Variants in SPOCK3 observed in about 807,000 individuals in gnomAD.
SPOCK3 encodes the protein SPARC (osteonectin), cwcv and kazal like domains proteoglycan 3.
A neutral mutation model predicts 56.6 loss-of-function variants in SPOCK3; 30 were observed. The ratio of observed to expected loss-of-function variants is 0.53; its 90% confidence interval spans 0.40 to 0.72. The LOEUF is 0.72. SPOCK3 is among the 30% of genes least tolerant of loss of function. The pLI is 0.00. For synonymous variants in SPOCK3, 196 were observed against 183.3 expected, an observed-to-expected ratio of 1.07 and a Z score of -0.56; for missense variants, 527 against 530.0, an observed-to-expected ratio of 0.99 and a Z score of 0.06.
At chr4:167,075,344 T>C (rs1050654018) in intron 2 of SPOCK3, among the ~76,000 whole-genome samples, 2 of 151,944 alleles carry the variant, frequency 1.3e-5, no homozygotes, top group Non-Finnish European at 2.9e-5. Flanking sequence ...TTTCCAATGC[T>C]GACACTCAAT....
intron 2 of SPOCK3, among the ~76,000 whole-genome samples, chr4:167,084,996 G>C (rs1758057911): frequency 2.0e-5 from 3 of 151,938 alleles, no homozygotes; most frequent in South Asian, 2.1e-4. Context: ...CTTTTGTCCA[G>C]AGGGATCCAG....
intron 4 of SPOCK3, among the ~76,000 whole-genome samples, chr4:166,977,417 A>G (rs1364823351): frequency 3.8e-5 from 4 of 105,608 alleles, no homozygotes; most frequent in Non-Finnish European, 6.5e-5. Flanking sequence ...ATTCATTATG[A>G]TAATTATTAA....
chr4:167,106,787 C>G (rs186190877), intron 2 of SPOCK3, among the ~76,000 whole-genome samples: 1 of 149,090 alleles, frequency 6.7e-6, no homozygotes, highest in Non-Finnish European at 1.5e-5. Flanking sequence ...ACAGAAGACC[C>G]AAGTAAATAA....
chr4:167,225,648 G>A (rs1324744903), intron 2 of SPOCK3, among the ~76,000 whole-genome samples: 1 of 152,032 alleles, frequency 6.6e-6, no homozygotes, highest in Non-Finnish European at 1.5e-5. Flanking sequence ...TAGCAAGTAT[G>A]AAGATGGAAA....
intron 10 of SPOCK3, 97 bp from the exon 11 acceptor site, chr4:166,735,187 A>G: frequency 2.6e-6 from 2 of 757,742 alleles, no homozygotes; most frequent in Admixed American, 3.0e-5. Flanking sequence ...TATTTTTTAG[A>G]AAGTAATTTG....
intron 4 of SPOCK3, among the ~76,000 whole-genome samples, chr4:166,986,568 G>T (rs7699895): frequency 1.3e-5 from 2 of 151,974 alleles, no homozygotes; most frequent in Non-Finnish European, 2.9e-5. Context: ...TACAGCACAC[G>T]AATGAAGAAT....
intron 2 of SPOCK3, among the ~76,000 whole-genome samples, chr4:167,120,948 T>A (rs144567577): frequency 6.9e-4 from 105 of 152,074 alleles, no homozygotes; most frequent in African/African-American, 2.5e-3. Flanking sequence ...CATTTATCAT[T>A]ACCAAATGTC....
At chr4:166,822,128 C>T (rs1014019124) in intron 6 of SPOCK3, among the ~76,000 whole-genome samples, 14 of 151,920 alleles carry the variant, frequency 9.2e-5, no homozygotes, top group African/African-American at 3.4e-4. Flanking sequence ...ATTATATAAT[C>T]ACACTAATCA....
intron 2 of SPOCK3, among the ~76,000 whole-genome samples, chr4:167,173,140 T>G (rs1282502185): frequency 2.0e-5 from 3 of 152,128 alleles, no homozygotes; most frequent in African/African-American, 7.2e-5. Context: ...CTTCCCACTT[T>G]CATTCTTCAG....
At chr4:167,045,476 C>A (rs542542582) in intron 3 of SPOCK3, among the ~76,000 whole-genome samples, 1 of 151,986 alleles carries the variant, frequency 6.6e-6, no homozygotes, top group South Asian at 2.1e-4. Context: ...TATTTTCTTT[C>A]ATTTTTTGCC....
chr4:166,783,422 A>G (rs1740397015), intron 7 of SPOCK3, among the ~76,000 whole-genome samples: 1 of 152,146 alleles, frequency 6.6e-6, no homozygotes. Context: ...CTACCTCATG[A>G]AAAAAGGGAA....
At chr4:166,874,898 T>C (rs1297857737) in intron 6 of SPOCK3, among the ~76,000 whole-genome samples, 1 of 152,192 alleles carries the variant, frequency 6.6e-6, no homozygotes, top group Non-Finnish European at 1.5e-5. Context: ...CAATACCTTC[T>C]ATTTATATAA....
At chr4:166,820,974 G>A (rs1744878053) in intron 6 of SPOCK3, among the ~76,000 whole-genome samples, 1 of 151,952 alleles carries the variant, frequency 6.6e-6, no homozygotes, top group Non-Finnish European at 1.5e-5. Context: ...AAAAATGTCT[G>A]CACATCAAAG....
chr4:166,782,627 G>C (rs968163622), intron 7 of SPOCK3, among the ~76,000 whole-genome samples: 4 of 151,882 alleles, frequency 2.6e-5, no homozygotes, highest in Non-Finnish European at 2.9e-5. Context: ...CAGAATTACA[G>C]TAGAAATCAA....
At chr4:167,024,992 T>TTA (rs1751568678) in intron 3 of SPOCK3, among the ~76,000 whole-genome samples, 1 of 152,068 alleles carries the variant, frequency 6.6e-6, no homozygotes, top group African/African-American at 2.4e-5. Context: ...TTTCTTAGAT[T>TTA]TATAGCATGT....
intron 4 of SPOCK3, among the ~76,000 whole-genome samples, chr4:166,915,919 C>T (rs558511358): frequency 4.6e-5 from 7 of 152,174 alleles, no homozygotes; most frequent in African/African-American, 1.7e-4. Flanking sequence ...AAGTAAAAAA[C>T]CTAAGCTGGC....
At chr4:166,999,589 G>C (rs1554017138) in intron 4 of SPOCK3, among the ~76,000 whole-genome samples, 1 of 152,072 alleles carries the variant, frequency 6.6e-6, no homozygotes, top group Non-Finnish European at 1.5e-5. Flanking sequence ...TCCATTATCA[G>C]AGAAAGAGTA....
At chr4:167,206,966 CA>C (rs575128356) in intron 2 of SPOCK3, among the ~76,000 whole-genome samples, 1 of 151,284 alleles carries the variant, frequency 6.6e-6, no homozygotes. Flanking sequence ...GTTCCCAACA[CA>C]AAAAAAACGA....
chr4:166,892,523 T>C (rs1734888397), intron 5 of SPOCK3, among the ~76,000 whole-genome samples: 1 of 152,046 alleles, frequency 6.6e-6, no homozygotes, highest in Non-Finnish European at 1.5e-5. Context: ...AATGCTACTT[T>C]AAAATATTTT....
Sources: allele counts gnomAD v4.1 joint callset (sites outside exome capture counted in the v4.1 genomes callset), GRCh38; gene constraint gnomAD v4.1.1; transcripts MANE v1.5; gene names NCBI Gene and HGNC (gene_info 2026-07-23, HGNC 2026-07-21).